The following FBN1 variants were observed in gnomAD, a reference collection of about 807,000 sequenced individuals.
FBN1 encodes fibrillin 1, also known as fibrillin-1.
FBN1 carries 29 observed loss-of-function variants against 365.1 expected under a neutral mutation model. That is an observed-to-expected ratio of 0.08 (90% CI 0.06 to 0.11). The LOEUF is 0.11. Among genes scored for constraint, FBN1 ranks in the 10% least tolerant of loss-of-function variants. FBN1 has a pLI of 1.00. For synonymous variants in FBN1, 1,210 were observed against 1,270.5 expected, an observed-to-expected ratio of 0.95 and a Z score of 1.01; for missense variants, 2,476 against 3,703.2, an observed-to-expected ratio of 0.67 and a Z score of 8.60.
chr15:48,485,441 A>T lies in FBN1; in HGVS notation c.3645T>A (p.Ser1215=). The T allele has an allele frequency of 6.2e-7, 1 of 1,614,196 alleles. No individual in the cohort carries two copies. The highest frequency in any genetic ancestry group is 8.5e-7 in the Non-Finnish European group (1 of 1,180,006). The change falls in exon 30 of 66, where the codon TCT becomes TCA. Residue 1215 remains serine (S), a synonymous_variant. Transcript: ENST00000316623. Reference sequence around the variant, plus strand: ...GACAGCTACATTCATAGCTGCCTTCAGAGTTTGTGCAGAAGGTTTCACAAC... The same window carrying T: ...GACAGCTACATTCATAGCTGCCTTCTGAGTTTGTGCAGAAGGTTTCACAAC... ...NGGCETFCTN[S]EGSYECSCQP... is the part of the protein sequence containing the mutation.
intron 9 of FBN1, among the ~76,000 whole-genome samples, chr15:48,521,053 C>A (rs1410010554): frequency 6.6e-6 from 1 of 152,162 alleles, no homozygotes; most frequent in Non-Finnish European, 1.5e-5. Context: ...GTCCCACATT[C>A]CATACCCAAG....
chr15:48,645,485 C>T (rs1318865320), intron 1 of FBN1, 90 bp downstream of exon 1: 1 of 152,584 alleles, frequency 6.6e-6, no homozygotes, highest in African/African-American at 2.4e-5. Flanking sequence ...TGTCCCTGCC[C>T]TCGGCGCGGC....
chr15:48,522,510 T>C lies in FBN1; in HGVS notation c.989-1693A>G, dbSNP rs569969522. 9.2e-5 allele frequency among the ~76,000 whole-genome samples: 14 copies of C among 152,290 alleles called. No homozygotes were observed. In the South Asian group the frequency reaches 2.9e-3, roughly 32 times the overall value. On this transcript the variant is annotated intron_variant, in intron 9 of 65. Transcript: ENST00000316623. ...TTAAAGGAATATAAGGGTTAAATCC[T>C]TTTGTAAAGCAAAGATCTTTCATAG...
chr15:48,604,735 C>T (rs1211134189), intron 4 of FBN1, among the ~76,000 whole-genome samples: 1 of 152,178 alleles, frequency 6.6e-6, no homozygotes, highest in Non-Finnish European at 1.5e-5. Context: ...TCCCACACTT[C>T]CCTGAAAAGC....
chr15:48,611,551 C>T (rs1434195704), intron 3 of FBN1, among the ~76,000 whole-genome samples: 3 of 152,164 alleles, frequency 2.0e-5, no homozygotes, highest in Admixed American at 6.5e-5. Flanking sequence ...TAAACCACCG[C>T]GTCCAGCCTA....
At chr15:48,636,542 A>AT (rs1566943290) in intron 2 of FBN1, among the ~76,000 whole-genome samples, 1 of 152,182 alleles carries the variant, frequency 6.6e-6, no homozygotes, top group Non-Finnish European at 1.5e-5. Flanking sequence ...TTGAAAAAAA[A>AT]CACATTCAAT....
chr15:48,635,609 C>G (rs569067380), intron 2 of FBN1, among the ~76,000 whole-genome samples: 9 of 152,152 alleles, frequency 5.9e-5, no homozygotes, highest in African/African-American at 1.9e-4. Flanking sequence ...AAATTCCATA[C>G]AGAAGAAAGT....
At chr15:48,452,728 G>C (rs2043210998) in intron 44 of FBN1, 44 bp from the exon 45 acceptor site, 3 of 1,611,552 alleles carry the variant, frequency 1.9e-6, no homozygotes, top group African/African-American at 2.7e-5. Context: ...ACAGAATCTG[G>C]TGTCCAGTCA....
At chr15:48,558,637 C>G (rs536426860) in intron 6 of FBN1, among the ~76,000 whole-genome samples, 1 of 152,202 alleles carries the variant, frequency 6.6e-6, no homozygotes, top group Admixed American at 6.5e-5. Flanking sequence ...ACAGCACATA[C>G]TAATAAAACA....
chr15:48,535,967 C>A (rs993354815), intron 7 of FBN1, among the ~76,000 whole-genome samples: 1 of 152,116 alleles, frequency 6.6e-6, no homozygotes, highest in African/African-American at 2.4e-5. Context: ...ATAGACAAGG[C>A]AATTCTCCAC....
intron 6 of FBN1, among the ~76,000 whole-genome samples, chr15:48,595,804 A>T (rs1260565690): frequency 6.6e-6 from 1 of 152,188 alleles, no homozygotes; most frequent in Non-Finnish European, 1.5e-5. Flanking sequence ...GACACTCAAT[A>T]TATCTATGGT....
intron 19 of FBN1, 42 bp from the exon 20 acceptor site, chr15:48,496,267 C>A (rs779521528): frequency 2.5e-6 from 4 of 1,612,604 alleles, no homozygotes; most frequent in Non-Finnish European, 3.4e-6. Context: ...AGGGCCCAAA[C>A]TTTGCCTGTA....
intron 6 of FBN1, among the ~76,000 whole-genome samples, chr15:48,555,036 T>A (rs983979672): frequency 2.0e-5 from 3 of 152,216 alleles, no homozygotes; most frequent in Non-Finnish European, 4.4e-5. Flanking sequence ...CCATTATTTG[T>A]ACACTATAGA....
intron 15 of FBN1, among the ~76,000 whole-genome samples, chr15:48,506,424 T>C (rs1041790363): frequency 3.3e-4 from 51 of 152,368 alleles, no homozygotes; most frequent in African/African-American, 1.2e-3. Flanking sequence ...GTACAGATTG[T>C]ATTTGAAACA....
At chr15:48,572,188 T>C (rs958907717) in intron 6 of FBN1, among the ~76,000 whole-genome samples, 33 of 152,176 alleles carry the variant, frequency 2.2e-4, no homozygotes, top group African/African-American at 8.0e-4. Context: ...TGAATATGGA[T>C]TACTTTGATA....
Position 48,408,379 on chromosome 15 carries a change from T to A in FBN1, c.*2611A>T, listed in dbSNP as rs936889900. On this transcript the variant is annotated 3_prime_UTR_variant, in exon 66 of 66. Transcript: ENST00000316623. ...ACATGATTTCTGAAGTTTAACAGTA[T>A]TTGTAATGGCAATATCCAAAGTGAT... 6.6e-6 allele frequency: 1 copy of A among 152,664 alleles called. No homozygotes were observed. The highest frequency in any genetic ancestry group is 1.5e-5 in the Non-Finnish European group (1 of 68,040). 9.5% of individuals were successfully genotyped at this position (152,664 alleles called of 1,614,324 possible). A position where few individuals can be genotyped will look rare whatever the true frequency, so the allele number is the denominator to read the frequency against.
chr15:48,568,353 A>G (rs2044277512), intron 6 of FBN1, among the ~76,000 whole-genome samples: 2 of 152,100 alleles, frequency 1.3e-5, no homozygotes, highest in African/African-American at 2.4e-5. Context: ...TTGCCAAGAT[A>G]AGTCGAAAAA....
chr15:48,630,742 AAAAAAAAAG>A (rs1036551195), intron 2 of FBN1, among the ~76,000 whole-genome samples: 5 of 150,828 alleles, frequency 3.3e-5, no homozygotes, highest in African/African-American at 1.2e-4. Flanking sequence ...AAAAAAAAAA[AAAAAAAAAG>A]AAAAGAAAAG....
chr15:48,479,830 A>T (rs1413003452), intron 32 of FBN1, among the ~76,000 whole-genome samples: 1 of 152,210 alleles, frequency 6.6e-6, no homozygotes, highest in Non-Finnish European at 1.5e-5. Context: ...GAGTTCAAGC[A>T]TGAATCAGTA....
Sources: gnomAD v4.1 joint callset for allele counts (sites outside exome capture counted in the v4.1 genomes callset) on GRCh38, gnomAD v4.1.1 for gene constraint, MANE v1.5 for transcripts, NCBI Gene and HGNC (gene_info 2026-07-23, HGNC 2026-07-21) for gene names.